ATP6V0A4: variants seen among roughly 807,000 people sequenced by gnomAD.
The protein encoded by ATP6V0A4 is V-type proton ATPase 116 kDa subunit a 4.
ATP6V0A4 carries 86 observed loss-of-function variants against 107.3 expected under a neutral mutation model. That is an observed-to-expected ratio of 0.80 (90% confidence interval 0.67 to 0.96). The LOEUF is 0.96. Ranked by LOEUF, ATP6V0A4 falls within the 40% of genes least tolerant of loss-of-function variation. ATP6V0A4 has a pLI of 0.00. For synonymous variants in ATP6V0A4, 353 were observed against 381.4 expected (o/e 0.93, Z 0.87); for missense variants, 908 against 1,045.6 (o/e 0.87, Z 1.81).
intron 10 of ATP6V0A4, 129 bp downstream of exon 10, chr7:138,755,560 C>T (rs1806467411): frequency 7.9e-7 from 1 of 1,270,952 alleles, no homozygotes; most frequent in Non-Finnish European, 1.1e-6. Context: ...CAGCCACAAC[C>T]AGAAAGGCAT....
intron 19 of ATP6V0A4, among the ~76,000 whole-genome samples, chr7:138,718,757 G>C (rs1804285794): frequency 6.7e-6 from 1 of 148,794 alleles, no homozygotes; most frequent in Admixed American, 6.8e-5. Context: ...GATGTCAGAG[G>C]TTATGGGGAC....
chr7:138,719,132 G>T (rs1419016328), intron 19 of ATP6V0A4, among the ~76,000 whole-genome samples: 1 of 152,216 alleles, frequency 6.6e-6, no homozygotes, highest in African/African-American at 2.4e-5. Flanking sequence ...GCTGCTGTGA[G>T]CCATGATTGT....
At chr7:138,716,632 T>C (rs1804055432) in intron 19 of ATP6V0A4, among the ~76,000 whole-genome samples, 1 of 151,716 alleles carries the variant, frequency 6.6e-6, no homozygotes, top group Non-Finnish European at 1.5e-5. Context: ...AGCACAATCA[T>C]AGCTCACTGC....
At chr7:138,737,127 T>TATATATATATATATA (rs1365519910) in intron 15 of ATP6V0A4, among the ~76,000 whole-genome samples, 17 of 131,528 alleles carry the variant, frequency 1.3e-4, no homozygotes, top group East Asian at 6.2e-4. Flanking sequence ...TATATATATA[T>TATATATATATATATA]GATACAAACT....
At chr7:138,758,745 T>TTTTTTTG (rs1806633980) in intron 8 of ATP6V0A4, among the ~76,000 whole-genome samples, 1 of 87,518 alleles carries the variant, frequency 1.1e-5, no homozygotes, top group Non-Finnish European at 2.2e-5. Context: ...CAGAATTTTT[T>TTTTTTTG]TTTTTTTTTT....
rs1554394380 is a variant in ATP6V0A4, at chr7:138,737,115, A to AATATATATAT, written c.1572+2415_1572+2424dup. Among the ~76,000 whole-genome samples, 69 of 86,766 alleles carry AATATATATAT rather than the reference A, an allele frequency of 8.0e-4. 13 individuals are homozygous for AATATATATAT. Among genetic ancestry groups the AATATATATAT allele is most frequent in the African/African-American group, 3.2e-3 (68 of 21,112 alleles). The allele number at this position is 86,766 out of a possible 152,430, so 56.9% of individuals were successfully genotyped here. A position where few individuals can be genotyped will look rare whatever the true frequency, so the allele number is the denominator to read the frequency against. On this transcript the variant is annotated intron_variant, in intron 15 of 21. Coordinates refer to ENST00000310018, the MANE Select transcript of ATP6V0A4 (RefSeq NM_020632.3). The stretch of plus-strand genomic sequence containing the variant: ...GTTATGTAAAAAGTAAGCCCTTATT[A>AATATATATAT]ATATATATATATGATACAAACTAAC...
chr7:138,709,681 G>C lies in ATP6V0A4; in HGVS notation c.2372C>G (p.Ala791Gly), dbSNP rs773689858. The C allele has an allele frequency of 5.0e-6, 8 of 1,613,626 alleles. No homozygotes were observed. The highest frequency in any genetic ancestry group is 6.8e-6 in the Non-Finnish European group (8 of 1,179,866). ...GAGGCCCTCCATGATCAGAAGGATG[G>C]CTACTGTCAGGACAGCAAATACGGC... ...IFAVFAVLTVAILLIMEGLSA... is the reference protein window; with the variant it reads ...IFAVFAVLTVGILLIMEGLSA... The change falls in exon 21 of 22, where the codon GCC becomes GGC. Residue 791 changes from alanine to glycine, a missense_variant. Coordinates refer to ENST00000310018, the MANE Select transcript of ATP6V0A4 (RefSeq NM_020632.3).
intron 17 of ATP6V0A4, among the ~76,000 whole-genome samples, chr7:138,730,931 C>CTTTTTTTTTTT (rs66521953): frequency 1.6e-5 from 2 of 123,758 alleles, no homozygotes; most frequent in Non-Finnish European, 3.2e-5. Flanking sequence ...TCTTCTTCTT[C>CTTTTTTTTTTT]TTTTTTTATT....
At chr7:138,760,579 G>A (rs945402486) in intron 7 of ATP6V0A4, among the ~76,000 whole-genome samples, 1 of 151,828 alleles carries the variant, frequency 6.6e-6, no homozygotes, top group African/African-American at 2.4e-5. Flanking sequence ...ATACATTGAT[G>A]TCTATATATA....
At chr7:138,730,936 TTTA>T (rs1216053946) in intron 17 of ATP6V0A4, among the ~76,000 whole-genome samples, 8 of 138,862 alleles carry the variant, frequency 5.8e-5, no homozygotes, top group South Asian at 2.2e-4. Context: ...TTCTTCTTTT[TTTA>T]TTTTTTTTTT....
At chr7:138,775,644 ATTTTTTTTTTT>A (rs36128448) in intron 2 of ATP6V0A4, among the ~76,000 whole-genome samples, 1 of 89,078 alleles carries the variant, frequency 1.1e-5, no homozygotes, top group African/African-American at 4.6e-5. Flanking sequence ...GATTGGGCTG[ATTTTTTTTTTT>A]TTTTTTTTTT....
At chr7:138,709,422 G>A (rs894108453) in intron 21 of ATP6V0A4, among the ~76,000 whole-genome samples, 1 of 151,606 alleles carries the variant, frequency 6.6e-6, no homozygotes, top group Non-Finnish European at 1.5e-5. Flanking sequence ...GAGTGTGTGT[G>A]TATATATGTA....
chr7:138,748,503 T>C (rs1562999628), intron 12 of ATP6V0A4, among the ~76,000 whole-genome samples: 1 of 152,140 alleles, frequency 6.6e-6, no homozygotes, highest in Non-Finnish European at 1.5e-5. Flanking sequence ...GCCTCCTGGA[T>C]TCAAGCGATT....
intron 3 of ATP6V0A4, among the ~76,000 whole-genome samples, chr7:138,770,573 GAAGTA>G (rs1449411165): frequency 6.6e-6 from 1 of 152,162 alleles, no homozygotes; most frequent in East Asian, 1.9e-4. Flanking sequence ...CCTTAGTGAA[GAAGTA>G]AAGAAGGACT....
intron 2 of ATP6V0A4, among the ~76,000 whole-genome samples, 163 bp downstream of exon 2, chr7:138,785,995 G>A (rs1365815684): frequency 1.3e-5 from 2 of 152,038 alleles, no homozygotes; most frequent in South Asian, 2.1e-4. Context: ...TCTAGATCAC[G>A]TCCTAGGACA....
intron 14 of ATP6V0A4, among the ~76,000 whole-genome samples, chr7:138,741,653 C>T (rs1253342681): frequency 1.3e-5 from 2 of 152,200 alleles, no homozygotes; most frequent in Non-Finnish European, 2.9e-5. Flanking sequence ...CCAACATCCC[C>T]GCCTCCTAAC....
Position 138,788,908 on chromosome 7 carries a change from G to A in ATP6V0A4, c.-120-2648C>T, listed in dbSNP as rs7780517. ...CCAGCCATGTGGAACTGTGAGTTCAGTAAACCTCTTTTCTTTACAAATTAC... is the reference window on the plus strand; with the variant it reads ...CCAGCCATGTGGAACTGTGAGTTCAATAAACCTCTTTTCTTTACAAATTAC... On this transcript the variant is annotated intron_variant, in intron 1 of 21. Transcript: ENST00000310018. 1.3e-3 allele frequency among the ~76,000 whole-genome samples: 204 copies of A among 152,118 alleles called. No individual in the cohort carries two copies. The South Asian group carries it at 0.019, about 14-fold the overall frequency.
intron 2 of ATP6V0A4, among the ~76,000 whole-genome samples, chr7:138,783,418 T>A (rs144048382): frequency 2.2e-3 from 333 of 152,034 alleles, no homozygotes; most frequent in Middle Eastern, 3.4e-3. Context: ...TTAAAAAAAA[T>A]TTTTTTAATT....
intron 20 of ATP6V0A4, among the ~76,000 whole-genome samples, chr7:138,711,760 A>G (rs3778700): frequency 0.12 from 18,976 of 152,198 alleles, 1,657 homozygotes; most frequent in African/African-American, 0.24. Flanking sequence ...GGCTATGTTC[A>G]TTTCCTTGCA....
Sources: gnomAD v4.1 joint callset for allele counts (sites outside exome capture counted in the v4.1 genomes callset) on GRCh38, gnomAD v4.1.1 for gene constraint, MANE v1.5 for transcripts, NCBI Gene and HGNC (gene_info 2026-07-23, HGNC 2026-07-21) for gene names.